The following CLCN5 variants were observed in gnomAD, a reference collection of about 807,000 sequenced individuals.
CLCN5 encodes H(+)/Cl(-) exchange transporter 5.
In CLCN5, 17 loss-of-function variants were observed where a neutral mutation model predicts 54.0. That is an observed-to-expected ratio of 0.31 (90% CI 0.22 to 0.47). The LOEUF is 0.47. Ranked by LOEUF, CLCN5 falls within the 20% of genes least tolerant of loss-of-function variation. CLCN5 has a pLI of 1.00. For missense variants in CLCN5, 448 were observed against 646.7 expected (o/e 0.69, Z 3.33); for synonymous variants, 222 against 233.0 (o/e 0.95, Z 0.43).
At chrX:49,944,979 T>C (rs1021582281) in intron 3 of CLCN5, among the ~76,000 whole-genome samples, 9 of 112,576 alleles carry the variant, frequency 8.0e-5, no homozygotes, top group Non-Finnish European at 1.7e-4. Flanking sequence ...AGATAAATTG[T>C]AATGCCAGCT....
rs1462594826 is a variant in CLCN5 at position 50,095,077 on chromosome X, A to G, written c.*2858A>G. ...TTAAAAATTAATGAGTCGAGATGAG[A>G]CTATTTTGGTATTAAATGAGAAAAT... On this transcript the variant is annotated 3_prime_UTR_variant, in exon 15 of 15. Coordinates refer to ENST00000376091, the MANE Select transcript of CLCN5 (RefSeq NM_001127898.4). 3.6e-5 allele frequency: 4 copies of G among 112,270 alleles called. No individual in the cohort carries two copies. The highest frequency in any genetic ancestry group is 7.5e-5 in the Non-Finnish European group (4 of 53,229). 9.3% of individuals were successfully genotyped at this position (112,270 alleles called of 1,213,427 possible). A position where few individuals can be genotyped will look rare whatever the true frequency, so the allele number is the denominator to read the frequency against.
intron 3 of CLCN5, chrX:50,013,254 C>T (rs1557182915): frequency 5.6e-6 from 2 of 355,587 alleles, no homozygotes; most frequent in South Asian, 5.2e-5. Context: ...CTCCTTCTCC[C>T]ATACCCATTG....
At chrX:49,994,043 G>A (rs1248310851) in intron 3 of CLCN5, among the ~76,000 whole-genome samples, 1 of 111,867 alleles carries the variant, frequency 8.9e-6, no homozygotes, top group Non-Finnish European at 1.9e-5. Context: ...ATTAAATACC[G>A]GGGTTAAAAG....
chrX:50,098,485 A>T lies in CLCN5; in HGVS notation c.*6266A>T, dbSNP rs2147624419. ...GTTCCGGCCCATGGGCCACTATTTGAATTTCTCTGTAGTAAGCTCTTTGTA... is the reference window on the plus strand; with the variant it reads ...GTTCCGGCCCATGGGCCACTATTTGTATTTCTCTGTAGTAAGCTCTTTGTA... On this transcript the variant is annotated 3_prime_UTR_variant, in exon 15 of 15. Coordinates refer to ENST00000376091, the MANE Select transcript of CLCN5 (RefSeq NM_001127898.4). 1 of 112,981 alleles carries T rather than the reference A, an allele frequency of 8.9e-6. No homozygotes were observed. Among genetic ancestry groups the T allele is most frequent in the African/African-American group, 3.2e-5 (1 of 31,035 alleles). 9.3% of individuals were successfully genotyped at this position (112,981 alleles called of 1,213,427 possible).
rs561504215 is a variant in CLCN5 at position 50,060,155 on chromosome X, C to G, written c.164-9724C>G. On this transcript the variant is annotated intron_variant, in intron 4 of 14. Transcript: ENST00000376091. The stretch of plus-strand genomic sequence containing the variant: ...ATAAGACAGTCACGGGGGGAGGAGC[C>G]AAGATGGCCGAATAGGAACAGCTCC... 8.2e-5 allele frequency among the ~76,000 whole-genome samples: 9 copies of G among 109,777 alleles called. No homozygotes were observed. In the South Asian group the frequency reaches 2.8e-3, roughly 34 times the overall value.
chrX:50,080,830 G>C lies in CLCN5; in HGVS notation c.726+114G>C. ...ATTTGATGAATGTTAAACAGGATCA[G>C]ATCCTGAGGCCATCTAAGACCTAGG... On this transcript the variant is annotated intron_variant, in intron 8 of 14. Coordinates refer to ENST00000376091, the MANE Select transcript of CLCN5 (RefSeq NM_001127898.4). The C allele has an allele frequency of 6.1e-6, 4 of 653,831 alleles. No homozygotes were observed. The South Asian group carries it at 7.0e-5, about 12-fold the overall frequency. The allele number at this position is 653,831 out of a possible 1,213,427, so 53.9% of individuals were successfully genotyped here.
At chrX:50,066,178 AAG>A (rs1491080407) in intron 4 of CLCN5, among the ~76,000 whole-genome samples, 7 of 99,302 alleles carry the variant, frequency 7.0e-5, no homozygotes, top group African/African-American at 2.3e-4. Context: ...AAAAAAAAAA[AAG>A]AAAGAAAGAG....
intron 4 of CLCN5, among the ~76,000 whole-genome samples, chrX:50,066,628 T>G (rs1326951822): frequency 8.9e-6 from 1 of 111,855 alleles, no homozygotes; most frequent in Non-Finnish European, 1.9e-5. Flanking sequence ...CTGACCTTAT[T>G]GCACAATTAA....
chrX:49,977,784 T>G (rs183971834), intron 3 of CLCN5, among the ~76,000 whole-genome samples: 1 of 111,866 alleles, frequency 8.9e-6, no homozygotes, highest in East Asian at 2.8e-4. Flanking sequence ...AAGCCCAGGC[T>G]GTACACAGGC....
At chrX:49,994,161 T>A (rs7056307) in intron 3 of CLCN5, among the ~76,000 whole-genome samples, 16,902 of 110,958 alleles carry the variant, frequency 0.15, 3,154 homozygotes, top group African/African-American at 0.53. Flanking sequence ...AGCAGTAATG[T>A]GTTTAGGTAT....
chrX:50,036,104 G>A (rs1369518253), intron 3 of CLCN5, among the ~76,000 whole-genome samples: 1 of 111,931 alleles, frequency 8.9e-6, no homozygotes, highest in African/African-American at 3.2e-5. Context: ...TATGGAAAGA[G>A]CACTGGGCTT....
At chrX:50,080,353 T>C (rs782523090) in intron 7 of CLCN5, among the ~76,000 whole-genome samples, 30 of 111,962 alleles carry the variant, frequency 2.7e-4, no homozygotes, top group Admixed American at 4.7e-4. Flanking sequence ...TTTTCCTTGT[T>C]CATCCTTAGA....
At position 50,094,314 on chromosome X, in the gene CLCN5, T is replaced by G. The variant is rs995150596; in HGVS notation, c.*2095T>G. 6.3e-5 allele frequency: 7 copies of G among 111,787 alleles called. No individual in the cohort carries two copies. Among genetic ancestry groups the G allele is most frequent in the Non-Finnish European group, 1.3e-4 (7 of 53,184 alleles). The allele number at this position is 111,787 out of a possible 1,213,427, so 9.2% of individuals were successfully genotyped here. A position where few individuals can be genotyped will look rare whatever the true frequency, so the allele number is the denominator to read the frequency against. On this transcript the variant is annotated 3_prime_UTR_variant, in exon 15 of 15. Coordinates refer to ENST00000376091, the MANE Select transcript of CLCN5 (RefSeq NM_001127898.4). ...GGCTCAGTAACCACATATTTTGTCC[T>G]TTCCATGTCACTGATTCCTTCATAT... is the stretch of plus-strand genomic sequence containing the variant.
Position 50,086,494 on chromosome X carries a change from T to A in CLCN5, c.1181T>A (p.Leu394Gln). The change falls in exon 11 of 15, where the codon CTG (leucine) becomes CAG (glutamine). Residue 394 changes from leucine to glutamine, a missense_variant. Leu to Gln is a moderately radical substitution (Grantham distance 113, BLOSUM62 -2). This residue lies in a region of CLCN5 where 297 missense variants were observed against 470.4 expected (regional missense o/e 0.63). Coordinates refer to ENST00000376091, the MANE Select transcript of CLCN5 (RefSeq NM_001127898.4). ...WHLFELVPFI[L>Q]LGIFGGLWGA... Reference sequence around the variant, plus strand: ...CTCTTTGAGCTCGTGCCATTCATTCTGCTGGGCATATTTGGTGGTCTGTGG... The same window carrying A: ...CTCTTTGAGCTCGTGCCATTCATTCAGCTGGGCATATTTGGTGGTCTGTGG... The A allele has an allele frequency of 8.3e-7, 1 of 1,211,321 alleles. No individual in the cohort carries two copies. Among genetic ancestry groups the A allele is most frequent in the Non-Finnish European group, 1.1e-6 (1 of 895,540 alleles).
chrX:50,044,612 G>A (rs1454932121), intron 4 of CLCN5, among the ~76,000 whole-genome samples: 1 of 110,914 alleles, frequency 9.0e-6, no homozygotes, highest in African/African-American at 3.3e-5. Flanking sequence ...TGGGATAGGC[G>A]GTGGAGTCAG....
chrX:50,029,512 A>G (rs1931585890), intron 3 of CLCN5, among the ~76,000 whole-genome samples: 1 of 111,500 alleles, frequency 9.0e-6, no homozygotes, highest in South Asian at 3.9e-4. Context: ...ATAGTATTCC[A>G]TGGTGTATAT....
chrX:49,961,489 G>C (rs1487844607), intron 3 of CLCN5, among the ~76,000 whole-genome samples: 1 of 111,972 alleles, frequency 8.9e-6, no homozygotes, highest in Non-Finnish European at 1.9e-5. Context: ...CAACACAGAG[G>C]GTTGAACCCT....
intron 3 of CLCN5, among the ~76,000 whole-genome samples, chrX:49,965,780 C>G (rs1927812603): frequency 8.9e-6 from 1 of 111,927 alleles, no homozygotes; most frequent in African/African-American, 3.2e-5. Context: ...GGAGGAAGTT[C>G]CCTTCAATTC....
chrX:50,053,375 ATCT>A (rs1932651626), intron 4 of CLCN5, among the ~76,000 whole-genome samples: 1 of 110,998 alleles, frequency 9.0e-6, no homozygotes, highest in African/African-American at 3.3e-5. Context: ...GAGTCATGAC[ATCT>A]TCTTCATTTC....
Sources: gnomAD v4.1 joint callset for allele counts (sites outside exome capture counted in the v4.1 genomes callset) on GRCh38, gnomAD v4.1.1 for gene constraint, gnomAD v4.1.1 regional missense constraint, MANE v1.5 for transcripts, NCBI Gene and HGNC (gene_info 2026-07-23, HGNC 2026-07-21) for gene names.